The following CFAP97D2 variants were observed in gnomAD, a reference collection of about 807,000 sequenced individuals.
CFAP97D2 encodes CFAP97 domain containing 2.
In CFAP97D2 at chr13:114,179,474, C is replaced by T. The variant is rs904941199; in HGVS notation, c.90+54C>T. On this transcript the variant is annotated intron_variant, in intron 1 of 4. Transcript: ENST00000646158. The surrounding 1 kb of genome is among the most constrained non-coding windows in gnomAD (Gnocchi z 4.8). Reference sequence around the variant, plus strand: ...AGCTCAGCGGGCGGGCACCAAGCAGCGCCCACGAAATGCCTCTGCTTTCCC... The same window carrying T: ...AGCTCAGCGGGCGGGCACCAAGCAGTGCCCACGAAATGCCTCTGCTTTCCC... 6.0e-5 allele frequency: 24 copies of T among 398,480 alleles called. No individual in the cohort carries two copies. The highest frequency in any genetic ancestry group is 4.4e-4 in the Admixed American group (10 of 22,734). 24.7% of individuals were successfully genotyped at this position (398,480 alleles called of 1,614,324 possible). A position where few individuals can be genotyped will look rare whatever the true frequency, so the allele number is the denominator to read the frequency against.
chr13:114,212,051 G>T, exon 4 of CFAP97D2: 1 of 398,662 alleles, frequency 2.5e-6, no homozygotes, highest in Non-Finnish European at 4.4e-6. Context: ...GAGAAGTCCC[G>T]GGTGCTGGTG....
chr13:114,218,460 T>C (rs2081005681), intron 4 of CFAP97D2, among the ~76,000 whole-genome samples: 1 of 152,164 alleles, frequency 6.6e-6, no homozygotes. Context: ...CCCAAGGTAA[T>C]TTATAGATTC....
chr13:114,204,369 G>A (rs9634653), intron 3 of CFAP97D2, among the ~76,000 whole-genome samples: 6 of 152,172 alleles, frequency 3.9e-5, no homozygotes, highest in African/African-American at 9.7e-5. Flanking sequence ...CAGACTTGTC[G>A]CTTACCTGCT....
At chr13:114,181,213 A>G (rs766297510) in intron 1 of CFAP97D2, among the ~76,000 whole-genome samples, 3 of 152,246 alleles carry the variant, frequency 2.0e-5, no homozygotes, top group East Asian at 1.9e-4. Flanking sequence ...TGGAAGTCAC[A>G]TATCGTAAGG....
At chr13:114,221,687 C>A (rs1188836047) in intron 4 of CFAP97D2, among the ~76,000 whole-genome samples, 1 of 149,370 alleles carries the variant, frequency 6.7e-6, no homozygotes, top group East Asian at 2.0e-4. Context: ...ACATTGTGCA[C>A]ATGTACCCTA....
At chr13:114,198,398 A>G (rs544496087) in intron 2 of CFAP97D2, among the ~76,000 whole-genome samples, 2 of 152,382 alleles carry the variant, frequency 1.3e-5, no homozygotes, top group South Asian at 4.1e-4. Context: ...GGAAGCCTAA[A>G]ACAAGAGGCA....
Position 114,207,046 on chromosome 13 carries a change from A to T in CFAP97D2, c.291-4866A>T, listed in dbSNP as rs2080943795. On this transcript the variant is annotated intron_variant, in intron 3 of 4. Transcript: ENST00000646158. The surrounding 1 kb of genome is among the most constrained non-coding windows in gnomAD (Gnocchi z 4.9). Reference sequence around the variant, plus strand: ...GTGCAATTCCTGAGGGGATAAAAGAAAGAAGCTGTGGCCCTGGCACAGGCT... The same window carrying T: ...GTGCAATTCCTGAGGGGATAAAAGATAGAAGCTGTGGCCCTGGCACAGGCT... 6.6e-6 allele frequency among the ~76,000 whole-genome samples: 1 copy of T among 152,194 alleles called. No individual in the cohort carries two copies. Among genetic ancestry groups the T allele is most frequent in the South Asian group, 2.1e-4 (1 of 4,830 alleles).
chr13:114,212,495 G>A (rs1441470148), intron 4 of CFAP97D2, among the ~76,000 whole-genome samples: 1 of 151,756 alleles, frequency 6.6e-6, no homozygotes, highest in Admixed American at 6.6e-5. Flanking sequence ...TAGGAGCATC[G>A]CTTGAGCTGA....
Position 114,186,795 on chromosome 13 carries a change from G to A in CFAP97D2, c.90+7375G>A, listed in dbSNP as rs2080854409. On this transcript the variant is annotated intron_variant, in intron 1 of 4. Coordinates refer to ENST00000646158, the Ensembl canonical transcript of CFAP97D2. The surrounding 1 kb of genome is among the most constrained non-coding windows in gnomAD (Gnocchi z 4.3). ...CCCATCTCACTGCAGCAGCTGGCATGACTGGCTGTGCAGTGACTGGACCCC... is the reference window on the plus strand; with the variant it reads ...CCCATCTCACTGCAGCAGCTGGCATAACTGGCTGTGCAGTGACTGGACCCC... Among the ~76,000 whole-genome samples, 1 of 152,212 alleles carries A rather than the reference G, an allele frequency of 6.6e-6. No homozygotes were observed. Among genetic ancestry groups the A allele is most frequent in the Non-Finnish European group, 1.5e-5 (1 of 68,034 alleles).
intron 1 of CFAP97D2, among the ~76,000 whole-genome samples, chr13:114,192,057 C>CGGGT (rs1195758607): frequency 8.8e-5 from 1 of 11,408 alleles, no homozygotes; most frequent in African/African-American, 5.5e-4. Flanking sequence ...TAAAAAGATA[C>CGGGT]GGGTGGGTGG....
In CFAP97D2 at chr13:114,196,420, G is replaced by GAC. The variant is rs1158783484; in HGVS notation, c.118_119dup (p.Arg41ProfsTer5). 6 of 399,646 alleles carry GAC rather than the reference G, an allele frequency of 1.5e-5. No homozygotes were observed. The highest frequency in any genetic ancestry group is 2.7e-5 in the Non-Finnish European group (6 of 226,112). 24.8% of individuals were successfully genotyped at this position (399,646 alleles called of 1,614,324 possible). On this transcript the variant is annotated frameshift_variant, in exon 2 of 5. Transcript: ENST00000646158. LOFTEE classifies it high-confidence loss of function. ...GGTCCAGAGCGCCCAGCCGCTGGTA[G>GAC]ACACCCGCGCCCCGCTGACGTTCCG...
chr13:114,208,821 C>T (rs1025262981), intron 3 of CFAP97D2, among the ~76,000 whole-genome samples: 1 of 152,110 alleles, frequency 6.6e-6, no homozygotes, highest in Non-Finnish European at 1.5e-5. Context: ...GGGAACCTTG[C>T]TATGTGTCCA....
intron 3 of CFAP97D2, among the ~76,000 whole-genome samples, chr13:114,208,317 G>T (rs1025831887): frequency 1.3e-5 from 2 of 152,004 alleles, no homozygotes; most frequent in African/African-American, 4.8e-5. Flanking sequence ...TAACTTTTTC[G>T]TGCCACGACC....
chr13:114,208,360 T>C (rs980747100), intron 3 of CFAP97D2, among the ~76,000 whole-genome samples: 1 of 152,234 alleles, frequency 6.6e-6, no homozygotes, highest in African/African-American at 2.4e-5. Flanking sequence ...CATAGACTCC[T>C]GAAAGCAGTG....
At chr13:114,199,080 G>A (rs1371184315) in intron 2 of CFAP97D2, among the ~76,000 whole-genome samples, 1 of 71,864 alleles carries the variant, frequency 1.4e-5, no homozygotes, top group Admixed American at 1.2e-4. Context: ...GCGCGTCCCC[G>A]TGTGTACGGT....
At chr13:114,206,860 C>T (rs1188245942) in intron 3 of CFAP97D2, among the ~76,000 whole-genome samples, 1 of 152,232 alleles carries the variant, frequency 6.6e-6, no homozygotes, top group African/African-American at 2.4e-5. Flanking sequence ...AGCCCATTCA[C>T]CAAACCTACT....
At chr13:114,188,864 GAAATTGAAA>G (rs1275816929) in intron 1 of CFAP97D2, among the ~76,000 whole-genome samples, 2 of 150,128 alleles carry the variant, frequency 1.3e-5, no homozygotes, top group African/African-American at 4.9e-5. Context: ...AGAAATCAAT[GAAATTGAAA>G]ATAGGAACTC....
chr13:114,218,694 A>G (rs1027311391), intron 4 of CFAP97D2, among the ~76,000 whole-genome samples: 1 of 152,238 alleles, frequency 6.6e-6, no homozygotes, highest in Non-Finnish European at 1.5e-5. Flanking sequence ...GACCAATGGA[A>G]CAGAACAGAG....
At chr13:114,194,590 A>G (rs1251246243) in intron 1 of CFAP97D2, among the ~76,000 whole-genome samples, 2 of 152,020 alleles carry the variant, frequency 1.3e-5, no homozygotes, top group Admixed American at 1.3e-4. Context: ...GGGGGCACTC[A>G]TTTCCCCCCC....
Sources: gnomAD v4.1 joint callset for allele counts (sites outside exome capture counted in the v4.1 genomes callset) on GRCh38, gnomAD v4.1.1 for gene constraint, Gnocchi (gnomAD v3.1) non-coding constraint, MANE v1.5 for transcripts, NCBI Gene and HGNC (gene_info 2026-07-23, HGNC 2026-07-21) for gene names.